The following SLC25A13 variants were observed in gnomAD, a reference collection of about 807,000 sequenced individuals.
The protein encoded by SLC25A13 is solute carrier family 25 member 13, also known as electrogenic aspartate/glutamate antiporter SLC25A13, mitochondrial.
Under a neutral mutation model 85.5 loss-of-function variants are expected in SLC25A13, and 70 were observed. That is an observed-to-expected ratio of 0.82 (90% CI 0.68 to 1.00). SLC25A13 has a LOEUF of 1.00. Ranked by LOEUF, SLC25A13 falls within the 50% of genes least tolerant of loss-of-function variation. SLC25A13 has a pLI of 0.00. For missense variants in SLC25A13, 765 were observed against 819.8 expected (o/e 0.93, Z 0.82); for synonymous variants, 259 against 288.7 (o/e 0.90, Z 1.04).
chr7:96,147,446 G>A (rs970754220), intron 13 of SLC25A13, among the ~76,000 whole-genome samples: 1 of 152,124 alleles, frequency 6.6e-6, no homozygotes, highest in African/African-American at 2.4e-5. Flanking sequence ...ATGGCTAGAT[G>A]CCTCACCTCC....
chr7:96,213,101 G>C (rs184648352), intron 4 of SLC25A13, among the ~76,000 whole-genome samples: 24 of 152,206 alleles, frequency 1.6e-4, no homozygotes, highest in Admixed American at 1.2e-3. Flanking sequence ...ATATTTTATA[G>C]ACTCATAAGT....
chr7:96,177,679 C>G (rs917753933), intron 11 of SLC25A13, among the ~76,000 whole-genome samples: 4 of 152,224 alleles, frequency 2.6e-5, no homozygotes, highest in African/African-American at 9.6e-5. Context: ...GTAAAGACTA[C>G]AGAAATGGAT....
At chr7:96,310,897 T>C (rs778073278) in intron 1 of SLC25A13, among the ~76,000 whole-genome samples, 3 of 152,320 alleles carry the variant, frequency 2.0e-5, no homozygotes, top group Admixed American at 2.0e-4. Context: ...CCATAAAGTT[T>C]ACCATTGTAA....
At position 96,120,872 on chromosome 7, in the gene SLC25A13, G is replaced by T; in HGVS notation, c.*319C>A. ...TAGCCTCTTTGGGACTACAATCCTA[G>T]TTCAAGGAGGGGAGTACTAATTTCT... On this transcript the variant is annotated 3_prime_UTR_variant, in exon 18 of 18. Coordinates refer to ENST00000265631, the MANE Select transcript of SLC25A13 (RefSeq NM_014251.3). The T allele has an allele frequency of 6.1e-6, 3 of 491,032 alleles. No homozygotes were observed. Among genetic ancestry groups the T allele is most frequent in the Non-Finnish European group, 1.2e-5 (3 of 251,618 alleles). The allele number at this position is 491,032 out of a possible 1,614,324, so 30.4% of individuals were successfully genotyped here.
chr7:96,215,912 T>C (rs1795882663), intron 4 of SLC25A13, among the ~76,000 whole-genome samples: 1 of 152,044 alleles, frequency 6.6e-6, no homozygotes, highest in Non-Finnish European at 1.5e-5. Context: ...CCCAGCACTT[T>C]GGGAGGCCGA....
chr7:96,207,020 C>T (rs1795488692), intron 5 of SLC25A13, among the ~76,000 whole-genome samples: 1 of 152,186 alleles, frequency 6.6e-6, no homozygotes, highest in Non-Finnish European at 1.5e-5. Context: ...AAAATGAATA[C>T]CGCCTCCTAC....
chr7:96,302,865 C>T (rs1409409808), intron 1 of SLC25A13, among the ~76,000 whole-genome samples: 5 of 152,188 alleles, frequency 3.3e-5, no homozygotes, highest in Non-Finnish European at 5.9e-5. Context: ...CCAGCAATCC[C>T]CTATGATTTA....
intron 11 of SLC25A13, among the ~76,000 whole-genome samples, chr7:96,177,696 T>G (rs115206415): frequency 6.6e-6 from 1 of 152,324 alleles, no homozygotes; most frequent in African/African-American, 2.4e-5. Context: ...GGATTTTTGT[T>G]GTTGTTGTTG....
chr7:96,269,254 C>T (rs1253427757), intron 3 of SLC25A13, among the ~76,000 whole-genome samples: 1 of 152,188 alleles, frequency 6.6e-6, no homozygotes, highest in Admixed American at 6.5e-5. Context: ...GTACCCAAGG[C>T]ACTCATGCAT....
chr7:96,253,662 G>A (rs1477387304), intron 3 of SLC25A13, among the ~76,000 whole-genome samples: 5 of 152,150 alleles, frequency 3.3e-5, no homozygotes, highest in African/African-American at 1.2e-4. Flanking sequence ...TGTATGAGTG[G>A]ACAGGGAAGC....
At chr7:96,143,360 C>T (rs994179525) in intron 14 of SLC25A13, among the ~76,000 whole-genome samples, 2 of 152,158 alleles carry the variant, frequency 1.3e-5, no homozygotes, top group African/African-American at 2.4e-5. Flanking sequence ...TATTTTTATG[C>T]TCCAGGGGTT....
chr7:96,255,182 T>C (rs1484684402), intron 3 of SLC25A13, among the ~76,000 whole-genome samples: 1 of 152,222 alleles, frequency 6.6e-6, no homozygotes, highest in Non-Finnish European at 1.5e-5. Context: ...CAGTATCTAA[T>C]TGTTGGCAGC....
At chr7:96,310,952 T>C (rs1388154080) in intron 1 of SLC25A13, among the ~76,000 whole-genome samples, 1 of 152,186 alleles carries the variant, frequency 6.6e-6, no homozygotes, top group African/African-American at 2.4e-5. Context: ...ACATTCACAA[T>C]GTTCTACATC....
chr7:96,206,519 C>A (rs1795468125), intron 5 of SLC25A13, among the ~76,000 whole-genome samples: 1 of 152,154 alleles, frequency 6.6e-6, no homozygotes, highest in Non-Finnish European at 1.5e-5. Flanking sequence ...TTAAAACTGG[C>A]ATTCAGGTAA....
At chr7:96,306,393 G>C (rs901426806) in intron 1 of SLC25A13, among the ~76,000 whole-genome samples, 3 of 152,242 alleles carry the variant, frequency 2.0e-5, no homozygotes, top group African/African-American at 7.2e-5. Context: ...CCTCCTTGCT[G>C]TTCCCGGTTC....
At chr7:96,122,132 T>C (rs952458427) in intron 15 of SLC25A13, 135 bp from the exon 16 acceptor site, 57 of 1,141,666 alleles carry the variant, frequency 5.0e-5, no homozygotes, top group Non-Finnish European at 6.8e-5. Context: ...CTGTCCTCTA[T>C]GGGAAATGCA....
At position 96,141,023 on chromosome 7, in the gene SLC25A13, T is replaced by C. The variant is rs112567966; in HGVS notation, c.1452+5533A>G. Among the ~76,000 whole-genome samples, 784 of 147,054 alleles carry C rather than the reference T, an allele frequency of 5.3e-3. 4 individuals are homozygous for C. The highest frequency in any genetic ancestry group is 0.017 in the African/African-American group (675 of 40,116). ...GCATTCCTTTCTTTTTTCTTTCTTT[T>C]TTTTTTTTTTTTTTAGACACAGCAT... On this transcript the variant is annotated intron_variant, in intron 14 of 17. Coordinates refer to ENST00000265631, the MANE Select transcript of SLC25A13 (RefSeq NM_014251.3).
intron 2 of SLC25A13, among the ~76,000 whole-genome samples, chr7:96,280,935 C>A (rs187731890): frequency 1.2e-3 from 185 of 152,202 alleles, no homozygotes; most frequent in African/African-American, 4.2e-3. Flanking sequence ...AGTATATCAC[C>A]AACAGAAGTG....
rs529850718 is a variant in SLC25A13, at chr7:96,282,789, T to A, written c.70-5451A>T. ...TATGTGGGTGTTTACTATTCTATTT[T>A]CTGTATGTCTGAAAATTGTCACAAT... On this transcript the variant is annotated intron_variant, in intron 2 of 17. Coordinates refer to ENST00000265631, the MANE Select transcript of SLC25A13 (RefSeq NM_014251.3). 7.1e-4 allele frequency among the ~76,000 whole-genome samples: 108 copies of A among 152,324 alleles called. No individual in the cohort carries two copies. In the South Asian group the frequency reaches 0.022, roughly 31 times the overall value.
Sources: allele counts gnomAD v4.1 joint callset (sites outside exome capture counted in the v4.1 genomes callset), GRCh38; gene constraint gnomAD v4.1.1; transcripts MANE v1.5; gene names NCBI Gene and HGNC (gene_info 2026-07-23, HGNC 2026-07-21).